Variants in BBS5 observed in about 807,000 individuals in gnomAD.
The protein encoded by BBS5 is Bardet-Biedl syndrome 5, also known as BBSome complex member BBS5.
BBS5 carries 39 observed loss-of-function variants against 50.2 expected under a neutral mutation model. The ratio of observed to expected loss-of-function variants is 0.78; its 90% CI spans 0.60 to 1.01. BBS5 has a LOEUF of 1.01. Among genes scored for constraint, BBS5 ranks in the 50% least tolerant of loss-of-function variants. BBS5 has a pLI of 0.00. For synonymous variants in BBS5, 134 were observed against 133.1 expected (o/e 1.01, Z -0.05); for missense variants, 356 against 401.5 (o/e 0.89, Z 0.97).
chr2:169,497,660 T>C lies in BBS5; in HGVS notation c.652T>C (p.Leu218=). The C allele has an allele frequency of 6.2e-7, 1 of 1,600,194 alleles. No individual in the cohort carries two copies. The highest frequency in any genetic ancestry group is 8.6e-7 in the Non-Finnish European group (1 of 1,167,766). Residue 218 remains leucine, a synonymous_variant, in exon 8 of 12, where the codon TTA becomes CTA. Transcript: ENST00000295240. The part of the protein sequence containing the change: ...SIKIRDSKFG[L]ALVIESSQQS... ...AAAGATTAGAGATTCAAAATTTGGT[T>C]TAGCTCTTGTCATAGAAAGCTCTCA...
At chr2:169,487,944 T>C in intron 4 of BBS5, 43 bp from the exon 5 acceptor site, 2 of 1,610,226 alleles carry the variant, frequency 1.2e-6, no homozygotes, top group Non-Finnish European at 1.7e-6. Flanking sequence ...AAAGGAGAAA[T>C]TGCTCTTAAA....
intron 5 of BBS5, among the ~76,000 whole-genome samples, chr2:169,489,194 C>T (rs1263330438): frequency 2.0e-5 from 3 of 151,990 alleles, no homozygotes; most frequent in East Asian, 1.9e-4. Context: ...GACGTGGTGG[C>T]GCACGTCTGT....
At chr2:169,494,462 A>G (rs986551375) in intron 7 of BBS5, among the ~76,000 whole-genome samples, 1 of 152,054 alleles carries the variant, frequency 6.6e-6, no homozygotes, top group African/African-American at 2.4e-5. Flanking sequence ...TATTCCTGTA[A>G]TCTCAGTACT....
rs1278622863 is a variant in BBS5, at chr2:169,491,293, C to T, written c.387-1581C>T. ...TTAATAGTATTAAAAACACTATGTG[C>T]TTCCCCCCCAAAATAATTTATAGCA... On this transcript the variant is annotated intron_variant, in intron 5 of 11. Coordinates refer to ENST00000295240, the MANE Select transcript of BBS5 (RefSeq NM_152384.3). 2.0e-5 allele frequency among the ~76,000 whole-genome samples: 3 copies of T among 152,120 alleles called. No homozygotes were observed. In the East Asian group the frequency reaches 5.8e-4, roughly 29 times the overall value.
At chr2:169,502,656 ATAAG>A (rs1289145785) in intron 9 of BBS5, among the ~76,000 whole-genome samples, 2 of 152,248 alleles carry the variant, frequency 1.3e-5, no homozygotes, top group Non-Finnish European at 2.9e-5. Flanking sequence ...GAACAAATAA[ATAAG>A]TGTTAGTTCT....
rs555104065 is a variant in BBS5, at chr2:169,505,080, G to A, written c.*498G>A. On this transcript the variant is annotated 3_prime_UTR_variant, in exon 12 of 12. Coordinates refer to ENST00000295240, the MANE Select transcript of BBS5 (RefSeq NM_152384.3). The stretch of plus-strand genomic sequence containing the variant: ...CCTGATTCTCCTGCCTCAGCCTGCC[G>A]AGTGCCTGCGATTACAGGCGCGCGC... The A allele has an allele frequency of 5.7e-5, 71 of 1,253,020 alleles. No homozygotes were observed. The East Asian group carries it at 1.2e-3, about 20-fold the overall frequency. 77.6% of individuals were successfully genotyped at this position (1,253,020 alleles called of 1,614,324 possible).
In BBS5 at chr2:169,503,140, G is replaced by A; in HGVS notation, c.862G>A (p.Val288Ile). 3 of 1,613,998 alleles carry A rather than the reference G, an allele frequency of 1.9e-6. No homozygotes were observed. Among genetic ancestry groups the A allele is most frequent in the South Asian group, 2.2e-5 (2 of 91,058 alleles). Residue 288 changes from valine to isoleucine, a missense_variant, in exon 10 of 12, where the codon GTA becomes ATA. Transcript: ENST00000295240. ...ALTVEQIQDD[V>I]EIDSDGHTDA... is the part of the protein sequence containing the mutation. Reference sequence around the variant, plus strand: ...GACAGTCGAACAAATTCAAGATGATGTAGAAATAGACTCTGATGGTCACAC... The same window carrying A: ...GACAGTCGAACAAATTCAAGATGATATAGAAATAGACTCTGATGGTCACAC...
At chr2:169,500,161 A>G (rs563849883) in intron 9 of BBS5, among the ~76,000 whole-genome samples, 5 of 152,156 alleles carry the variant, frequency 3.3e-5, no homozygotes, top group Admixed American at 2.6e-4. Context: ...GGTTGCTGCT[A>G]CTATTCCCTG....
At position 169,503,107 on chromosome 2, in the gene BBS5, G is replaced by A. The variant is rs754858756; in HGVS notation, c.829G>A (p.Glu277Lys). 3.0e-5 allele frequency: 49 copies of A among 1,613,566 alleles called. No homozygotes were observed. The highest frequency in any genetic ancestry group is 1.5e-4 in the African/African-American group (11 of 74,916). Residue 277 changes from glutamate (E) to lysine (K), a missense_variant, in exon 10 of 12, where the codon GAA (glutamate) becomes AAA (lysine). By Grantham distance (56) the Glu-to-Lys change is moderately conservative. Coordinates refer to ENST00000295240, the MANE Select transcript of BBS5 (RefSeq NM_152384.3). ...TGCTGATTTTCAGCCCCAGCCGCTC[G>A]AAGCTCTGACAGTCGAACAAATTCA... ...YEMEEKPQPL[E>K]ALTVEQIQDD...
intron 5 of BBS5, among the ~76,000 whole-genome samples, chr2:169,490,163 C>T (rs1161716050): frequency 6.8e-6 from 1 of 146,564 alleles, no homozygotes; most frequent in Non-Finnish European, 1.5e-5. Context: ...GTGTGAGCCA[C>T]TGGGCCCAGC....
intron 2 of BBS5, 136 bp downstream of exon 2, chr2:169,482,469 C>G: frequency 1.4e-6 from 1 of 724,374 alleles, no homozygotes; most frequent in East Asian, 2.5e-5. Flanking sequence ...TCACATAAGA[C>G]TTTTCTCAGA....
At position 169,479,543 on chromosome 2, in the gene BBS5, C is replaced by T. The variant is rs955710955; in HGVS notation, c.-11C>T. On this transcript the variant is annotated 5_prime_UTR_variant, in exon 1 of 12. Coordinates refer to ENST00000295240, the MANE Select transcript of BBS5 (RefSeq NM_152384.3). ...GGCTGTGGAGAGATCCTGCCACGGGCCTTGTTCACCATGTCGGTGCTGGAT... is the reference window on the plus strand; with the variant it reads ...GGCTGTGGAGAGATCCTGCCACGGGTCTTGTTCACCATGTCGGTGCTGGAT... 1.9e-6 allele frequency: 3 copies of T among 1,614,144 alleles called. No homozygotes were observed. The highest frequency in any genetic ancestry group is 1.7e-5 in the Admixed American group (1 of 60,034).
intron 11 of BBS5, 25 bp downstream of exon 11, chr2:169,504,351 G>A (rs1363860659): frequency 1.9e-6 from 3 of 1,609,308 alleles, no homozygotes; most frequent in African/African-American, 1.3e-5. Flanking sequence ...TTTACCTACA[G>A]TATATGAAAA....
chr2:169,497,543 T>G, intron 7 of BBS5, 84 bp from the exon 8 acceptor site: 1 of 828,498 alleles, frequency 1.2e-6, no homozygotes, highest in South Asian at 1.4e-5. Flanking sequence ...AAGTAAATAC[T>G]GTGTAAAGTT....
intron 7 of BBS5, among the ~76,000 whole-genome samples, chr2:169,495,932 C>T (rs953215690): frequency 2.0e-5 from 3 of 152,198 alleles, no homozygotes; most frequent in African/African-American, 4.8e-5. Flanking sequence ...CGTGAGCCCC[C>T]GCCCCTGGTC....
chr2:169,497,720 G>A (rs767606814), intron 8 of BBS5, 31 bp downstream of exon 8: 1 of 1,443,960 alleles, frequency 6.9e-7, no homozygotes, highest in Admixed American at 1.7e-5. Flanking sequence ...ATTAATCTTT[G>A]ATTTTTAAAA....
In BBS5 at chr2:169,505,226, G is replaced by T; in HGVS notation, c.*644G>T. ...CCAGCCTCGGCCTCCCGAGGTGCCG[G>T]GATTGCAGACGGAGTCTGGTTCACT... On this transcript the variant is annotated 3_prime_UTR_variant, in exon 12 of 12. Transcript: ENST00000295240. 2.0e-6 allele frequency: 1 copy of T among 488,736 alleles called. No individual in the cohort carries two copies. Among genetic ancestry groups the T allele is most frequent in the Non-Finnish European group, 3.8e-6 (1 of 264,766 alleles). The allele number at this position is 488,736 out of a possible 1,614,324, so 30.3% of individuals were successfully genotyped here. A position where few individuals can be genotyped will look rare whatever the true frequency, so the allele number is the denominator to read the frequency against.
At chr2:169,485,319 A>G (rs1183046171) in intron 2 of BBS5, among the ~76,000 whole-genome samples, 1 of 152,226 alleles carries the variant, frequency 6.6e-6, no homozygotes, top group East Asian at 1.9e-4. Context: ...ATATAAATAT[A>G]ATCTCATTTA....
chr2:169,481,224 A>G (rs1329514165), intron 1 of BBS5, among the ~76,000 whole-genome samples: 1 of 152,252 alleles, frequency 6.6e-6, no homozygotes, highest in African/African-American at 2.4e-5. Flanking sequence ...TCATAGAAAC[A>G]GAACAATTTA....
Sources: allele counts gnomAD v4.1 joint callset (sites outside exome capture counted in the v4.1 genomes callset), GRCh38; gene constraint gnomAD v4.1.1; transcripts MANE v1.5; gene names NCBI Gene and HGNC (gene_info 2026-07-23, HGNC 2026-07-21).